Variants in SYT11 observed in about 807,000 individuals in gnomAD.
SYT11 encodes the protein synaptotagmin-11.
In SYT11, 12 loss-of-function variants were observed where a neutral mutation model predicts 30.4. The ratio of observed to expected loss-of-function variants is 0.39; its 90% confidence interval spans 0.25 to 0.64. The LOEUF (loss-of-function observed/expected upper bound fraction) is 0.64. SYT11 is among the 30% of genes least tolerant of loss of function. The pLI is 0.45. For missense variants in SYT11, 412 were observed against 552.0 expected (o/e 0.75, Z 2.54); for synonymous variants, 204 against 216.0 (o/e 0.94, Z 0.49).
rs1673007461 is a variant in SYT11 at position 155,883,112 on chromosome 1, C to T, written c.*1604C>T. On this transcript the variant is annotated 3_prime_UTR_variant, in exon 4 of 4. Transcript: ENST00000368324. ...ACTACAGGATGCAATTCTTCTTCTA[C>T]CAATGGGCAATAGAGGTTGAGAGAG... 6.6e-6 allele frequency: 1 copy of T among 152,314 alleles called. No homozygotes were observed. Among genetic ancestry groups the T allele is most frequent in the Admixed American group, 6.5e-5 (1 of 15,280 alleles). 9.4% of individuals were successfully genotyped at this position (152,314 alleles called of 1,614,324 possible). A position where few individuals can be genotyped will look rare whatever the true frequency, so the allele number is the denominator to read the frequency against.
At chr1:155,869,488 T>C (rs1342208232) in intron 2 of SYT11, among the ~76,000 whole-genome samples, 1 of 152,056 alleles carries the variant, frequency 6.6e-6, no homozygotes, top group Admixed American at 6.6e-5. Flanking sequence ...GCCTGGCTAG[T>C]CTTGAACTTC....
chr1:155,869,504 T>C (rs532488353), intron 2 of SYT11, among the ~76,000 whole-genome samples: 3 of 152,138 alleles, frequency 2.0e-5, no homozygotes, highest in Admixed American at 1.3e-4. Flanking sequence ...ACTTCTATCC[T>C]CAGGTGATCC....
intron 2 of SYT11, among the ~76,000 whole-genome samples, chr1:155,875,007 C>T (rs959788688): frequency 2.7e-5 from 4 of 150,490 alleles, no homozygotes; most frequent in Admixed American, 6.6e-5. Context: ...GTAATCCCCG[C>T]ACTTTGGGAG....
intron 1 of SYT11, among the ~76,000 whole-genome samples, chr1:155,863,692 T>C (rs1571971780): frequency 1.3e-5 from 2 of 151,994 alleles, no homozygotes; most frequent in East Asian, 3.9e-4. Flanking sequence ...GGGCCAAGGC[T>C]GGCAGATCAC....
chr1:155,869,874 T>C (rs1237129026), intron 2 of SYT11, among the ~76,000 whole-genome samples: 2 of 152,150 alleles, frequency 1.3e-5, no homozygotes, highest in Non-Finnish European at 2.9e-5. Flanking sequence ...GTTAAACACT[T>C]GGGCTCCAGA....
chr1:155,870,932 AC>A (rs772616948), intron 2 of SYT11, among the ~76,000 whole-genome samples: 28 of 152,198 alleles, frequency 1.8e-4, no homozygotes, highest in Non-Finnish European at 3.2e-4. Context: ...AATATTAGAC[AC>A]ATTTGTGATT....
intron 1 of SYT11, among the ~76,000 whole-genome samples, chr1:155,862,788 T>C (rs1672613990): frequency 1.3e-5 from 2 of 152,222 alleles, no homozygotes; most frequent in African/African-American, 2.4e-5. Flanking sequence ...CCTCTTCTCA[T>C]AGAGACAGTG....
At chr1:155,861,818 A>T (rs541746555) in intron 1 of SYT11, among the ~76,000 whole-genome samples, 1 of 152,150 alleles carries the variant, frequency 6.6e-6, no homozygotes, top group East Asian at 1.9e-4. Context: ...GGGTTTCTCC[A>T]TGTTGGTCAG....
At chr1:155,871,338 C>T (rs528624975) in intron 2 of SYT11, among the ~76,000 whole-genome samples, 12 of 152,222 alleles carry the variant, frequency 7.9e-5, no homozygotes, top group Non-Finnish European at 1.3e-4. Flanking sequence ...CAGCTCCCAT[C>T]CTCTACTCCT....
At chr1:155,865,735 T>C (rs1672662118) in intron 1 of SYT11, among the ~76,000 whole-genome samples, 1 of 151,990 alleles carries the variant, frequency 6.6e-6, no homozygotes, top group Non-Finnish European at 1.5e-5. Flanking sequence ...TGGAGTGCAG[T>C]GGCACGATTT....
chr1:155,874,075 C>T (rs1380972013), intron 2 of SYT11, among the ~76,000 whole-genome samples: 3 of 151,724 alleles, frequency 2.0e-5, no homozygotes, highest in East Asian at 1.9e-4. Context: ...CTGAGGTGGG[C>T]GGATGGCTTC....
At position 155,868,847 on chromosome 1, in the gene SYT11, A is replaced by C. The variant is rs1672735504; in HGVS notation, c.861+56A>C. ...GGTAGGTTGGGGGAGAAAATATCTC[A>C]GGGGATAAATGGAAGTGGGAGGGGA... is the stretch of plus-strand genomic sequence containing the variant. On this transcript the variant is annotated intron_variant, in intron 2 of 3. Coordinates refer to ENST00000368324, the MANE Select transcript of SYT11 (RefSeq NM_152280.5). This position sits in a 1 kb window ranked among gnomAD's most constrained non-coding sequence, Gnocchi z 4.7. 156 of 1,505,316 alleles carry C rather than the reference A, an allele frequency of 1.0e-4. No homozygotes were observed. Among genetic ancestry groups the C allele is most frequent in the Middle Eastern group, 1.7e-4 (1 of 5,726 alleles). 93.2% of individuals were successfully genotyped at this position (1,505,316 alleles called of 1,614,324 possible). A position where few individuals can be genotyped will look rare whatever the true frequency, so the allele number is the denominator to read the frequency against.
rs1672535255 is a variant in SYT11, at chr1:155,860,311, G to C, written c.34+516G>C. 1.3e-5 allele frequency among the ~76,000 whole-genome samples: 2 copies of C among 152,144 alleles called. No homozygotes were observed. Among genetic ancestry groups the C allele is most frequent in the Non-Finnish European group, 2.9e-5 (2 of 68,028 alleles). ...AGGCGGCGGCCTCTGGGGAAAGAGG[G>C]GTGCGGGGTGGGGAGCAAAAAGGAA... On this transcript the variant is annotated intron_variant, in intron 1 of 3. Transcript: ENST00000368324. The surrounding 1 kb of genome is among the most constrained non-coding windows in gnomAD (Gnocchi z 4.1).
At chr1:155,881,034 T>C (rs1453491921) in intron 3 of SYT11, among the ~76,000 whole-genome samples, 164 bp from the exon 4 acceptor site, 1 of 152,122 alleles carries the variant, frequency 6.6e-6, no homozygotes, top group African/African-American at 2.4e-5. Context: ...GACTCACATA[T>C]AGTCAGTGTG....
At position 155,859,585 on chromosome 1, in the gene SYT11, C is replaced by T. The variant is rs1672513455; in HGVS notation, c.-177C>T. 4 of 676,476 alleles carry T rather than the reference C, an allele frequency of 5.9e-6. No homozygotes were observed. The highest frequency in any genetic ancestry group is 3.3e-5 in the South Asian group (2 of 61,502). The allele number at this position is 676,476 out of a possible 1,614,324, so 41.9% of individuals were successfully genotyped here. A position where few individuals can be genotyped will look rare whatever the true frequency, so the allele number is the denominator to read the frequency against. ...TTAGCTCAGCGCATCCCCGGAGCATCTTAAGAGCTGAGCGCAGCTGACAAC... is the reference window on the plus strand; with the variant it reads ...TTAGCTCAGCGCATCCCCGGAGCATTTTAAGAGCTGAGCGCAGCTGACAAC... On this transcript the variant is annotated 5_prime_UTR_variant, in exon 1 of 4. Transcript: ENST00000368324.
At chr1:155,880,885 T>G (rs776710348) in intron 3 of SYT11, among the ~76,000 whole-genome samples, 40 of 152,178 alleles carry the variant, frequency 2.6e-4, no homozygotes, top group Non-Finnish European at 4.6e-4. Context: ...AAGAGAGACT[T>G]CTCAAAAAGG....
intron 2 of SYT11, among the ~76,000 whole-genome samples, chr1:155,879,241 A>C (rs1672922663): frequency 6.6e-6 from 1 of 151,948 alleles, no homozygotes; most frequent in South Asian, 2.1e-4. Flanking sequence ...ACATGGTGAA[A>C]TCCTGTCTTT....
chr1:155,878,620 C>T (rs1363737225), intron 2 of SYT11, among the ~76,000 whole-genome samples: 2 of 151,916 alleles, frequency 1.3e-5, no homozygotes, highest in Non-Finnish European at 2.9e-5. Context: ...AATCCCAGCA[C>T]TTTGGGAGGC....
intron 1 of SYT11, among the ~76,000 whole-genome samples, chr1:155,866,923 C>T (rs983852701): frequency 1.2e-4 from 18 of 151,556 alleles, no homozygotes; most frequent in African/African-American, 4.1e-4. Context: ...TATATACACA[C>T]ACACATATAT....
Sources: gnomAD v4.1 joint callset for allele counts (sites outside exome capture counted in the v4.1 genomes callset) on GRCh38, gnomAD v4.1.1 for gene constraint, Gnocchi (gnomAD v3.1) non-coding constraint, MANE v1.5 for transcripts, NCBI Gene and HGNC (gene_info 2026-07-23, HGNC 2026-07-21) for gene names.